The following MAP3K20 variants were observed in gnomAD, a reference collection of about 807,000 sequenced individuals.
MAP3K20 encodes HCCS-4.
In MAP3K20, 40 loss-of-function variants were observed where a neutral mutation model predicts 85.7. The observed-to-expected ratio is 0.47, with a 90% CI of 0.36 to 0.61. The LOEUF is 0.61. Ranked by LOEUF, MAP3K20 falls within the 20% of genes least tolerant of loss-of-function variation. The pLI, the probability that MAP3K20 is intolerant of heterozygous loss-of-function variation, is 0.00. For missense variants in MAP3K20, 817 were observed against 961.7 expected (o/e 0.85, Z 1.99); for synonymous variants, 325 against 327.7 (o/e 0.99, Z 0.09).
chr2:173,266,388 T>C lies in MAP3K20; in HGVS notation c.2041T>C (p.Tyr681His), dbSNP rs769121487. ...ATACTCAGACAGAAGCAGGAACAAA[T>C]ATGGACGTGGTAGTATATCACTCAA... ...GRYSDRSRNK[Y>H]GRGSISLNSS... The change falls in exon 20 of 20, where the codon TAT becomes CAT. Residue 681 changes from tyrosine to histidine, a missense_variant. Physicochemically the swap from Tyr to His is moderately conservative, Grantham distance 83. This residue lies in a region of MAP3K20 where 454 missense variants were observed against 476.9 expected (regional missense o/e 0.95). Coordinates refer to ENST00000375213, the MANE Select transcript of MAP3K20 (RefSeq NM_016653.3). 2 of 1,613,992 alleles carry C rather than the reference T, an allele frequency of 1.2e-6. No individual in the cohort carries two copies. The highest frequency in any genetic ancestry group is 2.2e-5 in the South Asian group (2 of 91,066).
chr2:173,154,923 A>C, intron 2 of MAP3K20, among the ~76,000 whole-genome samples: 1 of 152,206 alleles, frequency 6.6e-6, no homozygotes, highest in East Asian at 1.9e-4. Flanking sequence ...GAAAGTGAGG[A>C]AATGGAACGT....
intron 16 of MAP3K20, 123 bp from the exon 17 acceptor site, chr2:173,258,572 AAAGG>A: frequency 1.7e-6 from 1 of 585,932 alleles, no homozygotes; most frequent in Non-Finnish European, 2.9e-6. Flanking sequence ...TTTTATTGAA[AAAGG>A]AAAAAAAAAA....
At chr2:173,154,693 T>C (rs1330750492) in intron 2 of MAP3K20, among the ~76,000 whole-genome samples, 3 of 152,238 alleles carry the variant, frequency 2.0e-5, no homozygotes, top group African/African-American at 7.2e-5. Context: ...TGATGCACTC[T>C]GCCATCCTTG....
chr2:173,238,200 C>A (rs1261896691), intron 14 of MAP3K20, among the ~76,000 whole-genome samples, 173 bp from the exon 15 acceptor site: 6 of 152,098 alleles, frequency 3.9e-5, no homozygotes, highest in African/African-American at 9.7e-5. Context: ...AATTACAAAC[C>A]ACCTACACTG....
intron 1 of MAP3K20, among the ~76,000 whole-genome samples, chr2:173,088,255 G>T (rs1201800630): frequency 6.6e-6 from 1 of 152,138 alleles, no homozygotes; most frequent in Admixed American, 6.5e-5. Context: ...TGTAATTATT[G>T]AATCCTACAT....
chr2:173,158,688 AG>A (rs1689553556), intron 2 of MAP3K20, among the ~76,000 whole-genome samples: 1 of 152,340 alleles, frequency 6.6e-6, no homozygotes, highest in East Asian at 1.9e-4. Context: ...TTGATTATAA[AG>A]GAAGGAGAAA....
In MAP3K20 at chr2:173,261,109, A is replaced by AC; in HGVS notation, c.1523_1524insC (p.Gln508HisfsTer10). 1 of 1,613,702 alleles carries AC rather than the reference A, an allele frequency of 6.2e-7. No homozygotes were observed. Among genetic ancestry groups the AC allele is most frequent in the South Asian group, 1.1e-5 (1 of 91,066 alleles). On this transcript the variant is annotated frameshift_variant, in exon 18 of 20. Coordinates refer to ENST00000375213, the MANE Select transcript of MAP3K20 (RefSeq NM_016653.3). LOFTEE classifies it high-confidence loss of function. ...TGGATTGTAGGAATAGCAAAAAGTCAGACTGTGGAGTGCACTGTCACATAT... is the reference window on the plus strand; with the variant it reads ...TGGATTGTAGGAATAGCAAAAAGTCACGACTGTGGAGTGCACTGTCACATAT...
chr2:173,115,701 C>T (rs553837914), intron 2 of MAP3K20, among the ~76,000 whole-genome samples: 178 of 152,296 alleles, frequency 1.2e-3, no homozygotes, highest in African/African-American at 4.2e-3. Context: ...TCTAGCCACT[C>T]AGCAAGTCTA....
At chr2:173,242,397 G>C (rs373962841) in intron 16 of MAP3K20, among the ~76,000 whole-genome samples, 1 of 151,950 alleles carries the variant, frequency 6.6e-6, no homozygotes, top group Non-Finnish European at 1.5e-5. Flanking sequence ...TCGAACTCCC[G>C]ACCTCAGGTG....
chr2:173,156,261 GT>G (rs1369167751), intron 2 of MAP3K20, among the ~76,000 whole-genome samples: 1 of 152,134 alleles, frequency 6.6e-6, no homozygotes, highest in Non-Finnish European at 1.5e-5. Flanking sequence ...ACTCTATCTT[GT>G]TTAAAGCACT....
intron 16 of MAP3K20, among the ~76,000 whole-genome samples, chr2:173,246,488 GATTTT>G (rs1357707622): frequency 6.6e-6 from 1 of 152,110 alleles, no homozygotes; most frequent in Non-Finnish European, 1.5e-5. Context: ...CGGCTGCCTA[GATTTT>G]ATTATTATAT....
intron 9 of MAP3K20, among the ~76,000 whole-genome samples, chr2:173,204,984 T>C (rs1238519116): frequency 6.6e-6 from 1 of 151,252 alleles, no homozygotes; most frequent in Non-Finnish European, 1.5e-5. Flanking sequence ...GCACCTGTAG[T>C]CCCAGCTACT....
chr2:173,203,757 C>T, intron 8 of MAP3K20, 39 bp from the exon 9 acceptor site: 1 of 1,447,970 alleles, frequency 6.9e-7, no homozygotes, highest in Non-Finnish European at 9.7e-7. Context: ...TGAATAAATC[C>T]CTGTTTTATT....
intron 2 of MAP3K20, among the ~76,000 whole-genome samples, chr2:173,139,145 G>C (rs189648328): frequency 1.1e-4 from 16 of 152,338 alleles, no homozygotes; most frequent in Non-Finnish European, 2.2e-4. Flanking sequence ...GATGAAGCAA[G>C]TGTGTATGAT....
intron 7 of MAP3K20, among the ~76,000 whole-genome samples, chr2:173,196,830 A>G (rs542260539): frequency 3.0e-4 from 46 of 152,226 alleles, no homozygotes; most frequent in African/African-American, 1.0e-3. Flanking sequence ...GGCCTGTCGC[A>G]TTCTCTCAAG....
chr2:173,132,498 G>A (rs546789802), intron 2 of MAP3K20, among the ~76,000 whole-genome samples: 178 of 152,210 alleles, frequency 1.2e-3, no homozygotes, highest in Non-Finnish European at 2.0e-3. Flanking sequence ...TGCCCCTCAG[G>A]CGCTTCTTGT....
At position 173,266,781 on chromosome 2, in the gene MAP3K20, GT is replaced by G; in HGVS notation, c.*33del. 1 of 786,316 alleles carries G rather than the reference GT, an allele frequency of 1.3e-6. No individual in the cohort carries two copies. Among genetic ancestry groups the G allele is most frequent in the African/African-American group, 2.1e-5 (1 of 48,162 alleles). The allele number at this position is 786,316 out of a possible 1,614,324, so 48.7% of individuals were successfully genotyped here. On this transcript the variant is annotated 3_prime_UTR_variant, in exon 20 of 20. Coordinates refer to ENST00000375213, the MANE Select transcript of MAP3K20 (RefSeq NM_016653.3). ...TGAACTACATAGCTTTTCTAAGCAG[GT>G]TAAAAAAAAAAAAAAAAAGAAATGT...
chr2:173,204,255 T>A (rs934213991), intron 9 of MAP3K20, among the ~76,000 whole-genome samples: 3 of 152,218 alleles, frequency 2.0e-5, no homozygotes, highest in African/African-American at 7.2e-5. Context: ...AATATCTCTA[T>A]GAAATAGATG....
At chr2:173,166,805 C>T (rs887626182) in intron 2 of MAP3K20, 1 of 151,988 alleles carries the variant, frequency 6.6e-6, no homozygotes, top group African/African-American at 2.4e-5. Context: ...TTTTGATGCG[C>T]AGCTCATTTG....
Sources: allele counts gnomAD v4.1 joint callset (sites outside exome capture counted in the v4.1 genomes callset), GRCh38; gene constraint gnomAD v4.1.1; regional missense constraint gnomAD v4.1.1; transcripts MANE v1.5; gene names NCBI Gene and HGNC (gene_info 2026-07-23, HGNC 2026-07-21).